ZFHX3: variants seen among roughly 807,000 people sequenced by gnomAD.
ZFHX3 encodes zinc finger homeobox protein 3.
A neutral mutation model predicts 279.1 loss-of-function variants in ZFHX3; 42 were observed. The observed-to-expected ratio is 0.15, with a 90% CI of 0.12 to 0.19. The LOEUF is 0.19. ZFHX3 is among the 10% of genes least tolerant of loss of function. ZFHX3 has a pLI of 1.00. For synonymous variants in ZFHX3, 2,293 were observed against 1,957.8 expected, an observed-to-expected ratio of 1.17 and a Z score of -4.52; for missense variants, 4,981 against 4,754.0, an observed-to-expected ratio of 1.05 and a Z score of -1.40.
At chr16:72,915,583 A>T (rs1025591015) in intron 3 of ZFHX3, among the ~76,000 whole-genome samples, 4 of 151,490 alleles carry the variant, frequency 2.6e-5, no homozygotes, top group African/African-American at 4.8e-5. Flanking sequence ...ACAAGGCAAG[A>T]TCCAGTCTCT....
At chr16:73,310,362 G>C (rs1464927361) in intron 4 of ZFHX3, among the ~76,000 whole-genome samples, 1 of 152,168 alleles carries the variant, frequency 6.6e-6, no homozygotes, top group Non-Finnish European at 1.5e-5. Flanking sequence ...CCAATTTTTA[G>C]CTGGTTTATG....
At chr16:73,583,779 G>C (rs1264564841) in intron 2 of ZFHX3, among the ~76,000 whole-genome samples, 1 of 152,160 alleles carries the variant, frequency 6.6e-6, no homozygotes, top group Non-Finnish European at 1.5e-5. Flanking sequence ...TATCTTGAAA[G>C]AGAATCGGCA....
chr16:73,518,281 G>A (rs980568784), intron 2 of ZFHX3, among the ~76,000 whole-genome samples: 1 of 152,174 alleles, frequency 6.6e-6, no homozygotes, highest in Non-Finnish European at 1.5e-5. Context: ...AGCATACAGT[G>A]TTTAGAAATG....
intron 5 of ZFHX3, among the ~76,000 whole-genome samples, chr16:73,219,788 G>GA (rs2144918985): frequency 6.6e-6 from 1 of 152,248 alleles, no homozygotes; most frequent in African/African-American, 2.4e-5. Context: ...GACTTCTTTT[G>GA]AAAAATATGT....
intron 1 of ZFHX3, among the ~76,000 whole-genome samples, chr16:73,691,070 T>C (rs2053145194): frequency 6.6e-6 from 1 of 152,240 alleles, no homozygotes; most frequent in Non-Finnish European, 1.5e-5. Flanking sequence ...TAAACATTTC[T>C]CTCTAGCTCA....
intron 4 of ZFHX3, among the ~76,000 whole-genome samples, chr16:72,875,865 C>T (rs890322432): frequency 2.3e-4 from 35 of 152,184 alleles, no homozygotes; most frequent in African/African-American, 5.8e-4. Flanking sequence ...CAAACAGTCA[C>T]GCCTTTGCAG....
At chr16:73,667,698 A>G (rs2052858869) in intron 2 of ZFHX3, among the ~76,000 whole-genome samples, 1 of 152,254 alleles carries the variant, frequency 6.6e-6, no homozygotes, top group African/African-American at 2.4e-5. Flanking sequence ...GTAAAAGTTT[A>G]GCACTAAATT....
chr16:73,497,793 T>C (rs935911591), intron 2 of ZFHX3, among the ~76,000 whole-genome samples: 1 of 152,170 alleles, frequency 6.6e-6, no homozygotes, highest in Admixed American at 6.5e-5. Flanking sequence ...AGTTCTTCAA[T>C]AGTTGCTGGA....
chr16:73,804,092 G>C (rs575034893), intron 1 of ZFHX3, among the ~76,000 whole-genome samples: 1 of 152,220 alleles, frequency 6.6e-6, no homozygotes. Flanking sequence ...GGGAGGCTGA[G>C]GCTCCAGTGA....
rs572569753 is a variant in ZFHX3, at chr16:73,749,599, C to G, written c.-1607-69359G>C. ...TACAGAATAACACAACAAAGACCAA[C>G]CAGTGAGAAAATAAAGCACCAGGTA... On this transcript the variant is annotated intron_variant, in intron 1 of 17. Transcript: ENST00000641206. 2.6e-5 allele frequency among the ~76,000 whole-genome samples: 4 copies of G among 152,208 alleles called. No homozygotes were observed. In the East Asian group the frequency reaches 7.7e-4, roughly 29 times the overall value.
At chr16:73,027,573 C>T (rs1423715100) in intron 1 of ZFHX3, among the ~76,000 whole-genome samples, 1 of 152,174 alleles carries the variant, frequency 6.6e-6, no homozygotes, top group African/African-American at 2.4e-5. Flanking sequence ...GTTTCATATG[C>T]TAACTGCAGA....
chr16:73,319,665 C>T (rs1024242881), intron 3 of ZFHX3, among the ~76,000 whole-genome samples: 9 of 152,160 alleles, frequency 5.9e-5, no homozygotes, highest in African/African-American at 2.2e-4. Flanking sequence ...ATTCAAAGTC[C>T]TCATCAAGTT....
At chr16:73,104,133 G>A (rs1359460196) in intron 7 of ZFHX3, among the ~76,000 whole-genome samples, 2 of 151,852 alleles carry the variant, frequency 1.3e-5, no homozygotes, top group East Asian at 1.9e-4. Context: ...AGATGGACAG[G>A]CATTGAGGCC....
At chr16:73,322,025 C>G (rs1178389411) in intron 3 of ZFHX3, among the ~76,000 whole-genome samples, 1 of 152,174 alleles carries the variant, frequency 6.6e-6, no homozygotes, top group African/African-American at 2.4e-5. Context: ...TCGTGATTTC[C>G]CAACCAAAAG....
At chr16:73,852,664 C>A (rs1019928678) in intron 1 of ZFHX3, among the ~76,000 whole-genome samples, 7 of 152,138 alleles carry the variant, frequency 4.6e-5, no homozygotes, top group African/African-American at 1.4e-4. Flanking sequence ...ACTCCTTTTT[C>A]AGACTTTTCT....
At chr16:73,347,676 A>G (rs2016147999) in intron 3 of ZFHX3, among the ~76,000 whole-genome samples, 1 of 152,264 alleles carries the variant, frequency 6.6e-6, no homozygotes, top group Non-Finnish European at 1.5e-5. Context: ...TTTGTCTGTT[A>G]CAGTAGTTAA....
intron 5 of ZFHX3, among the ~76,000 whole-genome samples, chr16:73,174,123 C>A (rs1202173412): frequency 7.9e-5 from 12 of 152,122 alleles, no homozygotes; most frequent in Admixed American, 7.9e-4. Context: ...GGCGAGCCAC[C>A]TTTTTTTCCT....
intron 2 of ZFHX3, among the ~76,000 whole-genome samples, chr16:73,576,315 G>A (rs1221561285): frequency 6.6e-6 from 1 of 152,160 alleles, no homozygotes. Context: ...TCAAAGCCCT[G>A]AAATTCTCAG....
intron 1 of ZFHX3, among the ~76,000 whole-genome samples, chr16:73,002,636 T>G (rs1283922475): frequency 1.3e-5 from 2 of 152,292 alleles, no homozygotes; most frequent in Non-Finnish European, 2.9e-5. Context: ...ACTTCCACTA[T>G]TTTTACAAAC....
Sources: gnomAD v4.1 joint callset for allele counts (sites outside exome capture counted in the v4.1 genomes callset) on GRCh38, gnomAD v4.1.1 for gene constraint, MANE v1.5 for transcripts, NCBI Gene and HGNC (gene_info 2026-07-23, HGNC 2026-07-21) for gene names.